Variants in SLC24A2 observed in about 807,000 individuals in gnomAD.
SLC24A2 encodes sodium/potassium/calcium exchanger 2.
Under a neutral mutation model 62.0 loss-of-function variants are expected in SLC24A2, and 36 were observed. The ratio of observed to expected loss-of-function variants is 0.58; its 90% CI spans 0.44 to 0.77. The LOEUF is 0.77. Among genes scored for constraint, SLC24A2 ranks in the 30% least tolerant of loss-of-function variants. The probability of loss-of-function intolerance (pLI) is 0.00; values close to 1 mark genes in which losing one functional copy is unlikely to be tolerated. For synonymous variants in SLC24A2, 358 were observed against 294.0 expected (o/e 1.22, Z -2.23); for missense variants, 846 against 817.9 (o/e 1.03, Z -0.42).
At chr9:19,673,813 T>TCCATTCTG (rs1414179503) in intron 2 of SLC24A2, among the ~76,000 whole-genome samples, 1 of 152,178 alleles carries the variant, frequency 6.6e-6, no homozygotes, top group Admixed American at 6.6e-5. Context: ...GGAATTCTTA[T>TCCATTCTG]CCATTCTGCC....
At chr9:19,865,965 C>A in the SLC24A2 span, among the ~76,000 whole-genome samples, 1 of 151,986 alleles carries the variant, frequency 6.6e-6, no homozygotes, top group East Asian at 1.9e-4. Context: ...AAGGGAATAA[C>A]GAGAATATGT....
chr9:20,068,560 C>T, the SLC24A2 span, among the ~76,000 whole-genome samples: 3 of 152,128 alleles, frequency 2.0e-5, no homozygotes, highest in Non-Finnish European at 2.9e-5. Flanking sequence ...TCCTGAACAA[C>T]TGGTAACATT....
At chr9:19,879,753 T>C in the SLC24A2 span, among the ~76,000 whole-genome samples, 1 of 152,164 alleles carries the variant, frequency 6.6e-6, no homozygotes, top group Non-Finnish European at 1.5e-5. Flanking sequence ...CAAATATGAA[T>C]TCAAAAGTCA....
At chr9:19,986,197 G>T in the SLC24A2 span, among the ~76,000 whole-genome samples, 1 of 151,968 alleles carries the variant, frequency 6.6e-6, no homozygotes, top group Non-Finnish European at 1.5e-5. Flanking sequence ...ACATCATTAA[G>T]GAAATACAAG....
intron 4 of SLC24A2, among the ~76,000 whole-genome samples, chr9:19,611,657 G>C (rs989022169): frequency 2.0e-5 from 3 of 152,068 alleles, no homozygotes; most frequent in African/African-American, 4.8e-5. Context: ...CTTTTCTGGG[G>C]AAAGATTCAG....
chr9:19,531,264 C>T (rs3780218), intron 8 of SLC24A2, among the ~76,000 whole-genome samples: 109,857 of 152,046 alleles, frequency 0.72, 40,578 homozygotes, highest in East Asian at 0.93. Flanking sequence ...ATTCCCCTTA[C>T]TTGGACAGCA....
At position 19,508,153 on chromosome 9, in the gene SLC24A2, GTTT is replaced by G. The variant is rs1453356367; in HGVS notation, c.*7997_*7999del. 1 of 152,214 alleles carries G rather than the reference GTTT, an allele frequency of 6.6e-6. No homozygotes were observed. Among genetic ancestry groups the G allele is most frequent in the African/African-American group, 2.4e-5 (1 of 41,452 alleles). 9.4% of individuals were successfully genotyped at this position (152,214 alleles called of 1,614,324 possible). On this transcript the variant is annotated 3_prime_UTR_variant, in exon 11 of 11. Coordinates refer to ENST00000341998, the MANE Select transcript of SLC24A2 (RefSeq NM_020344.4). ...GATGGTGGAAGCTGTTGCTTCCGGA[GTTT>G]TTTGACTTGAGCAGAAGAAATATCA...
chr9:19,645,274 C>A (rs1439958198), intron 2 of SLC24A2, among the ~76,000 whole-genome samples: 1 of 152,168 alleles, frequency 6.6e-6, no homozygotes, highest in African/African-American at 2.4e-5. Flanking sequence ...TCTGGAATTT[C>A]TGCCATTTTA....
At chr9:20,081,116 T>A in the SLC24A2 span, among the ~76,000 whole-genome samples, 1 of 152,192 alleles carries the variant, frequency 6.6e-6, no homozygotes, top group Non-Finnish European at 1.5e-5. Context: ...GACCCAGCCA[T>A]CCCATTACTG....
intron 2 of SLC24A2, among the ~76,000 whole-genome samples, chr9:19,701,099 G>A (rs1174491111): frequency 1.3e-5 from 2 of 152,180 alleles, no homozygotes; most frequent in Admixed American, 6.5e-5. Flanking sequence ...ATCTTTTCTT[G>A]TGGGAATGTT....
chr9:19,573,558 CA>C, intron 6 of SLC24A2, 89 bp from the exon 7 acceptor site: 2 of 872,950 alleles, frequency 2.3e-6, no homozygotes, highest in South Asian at 2.6e-5. Context: ...AGAGAGAAAG[CA>C]AATGGAATCA....
the SLC24A2 span, among the ~76,000 whole-genome samples, chr9:20,295,036 GTA>G: frequency 0.051 from 7,369 of 145,182 alleles, 307 homozygotes; most frequent in South Asian, 0.23. Flanking sequence ...GTGTATATAT[GTA>G]TATATATATA....
chr9:19,686,558 C>G (rs982584917), intron 2 of SLC24A2, among the ~76,000 whole-genome samples: 2 of 152,086 alleles, frequency 1.3e-5, no homozygotes, highest in African/African-American at 4.8e-5. Flanking sequence ...GTAATTTAAT[C>G]ATGGGGCGGT....
At chr9:19,904,937 AG>A in the SLC24A2 span, among the ~76,000 whole-genome samples, 9 of 152,218 alleles carry the variant, frequency 5.9e-5, no homozygotes, top group African/African-American at 2.2e-4. Flanking sequence ...CATTTAGTAA[AG>A]AATTAATCTT....
the SLC24A2 span, among the ~76,000 whole-genome samples, chr9:20,052,378 G>A: frequency 7.2e-5 from 11 of 152,214 alleles, no homozygotes; most frequent in Non-Finnish European, 1.0e-4. Context: ...GTGTGTCTCT[G>A]CACTGGCTGT....
intron 2 of SLC24A2, among the ~76,000 whole-genome samples, chr9:19,706,744 A>G (rs1820535738): frequency 4.6e-5 from 7 of 152,168 alleles, no homozygotes; most frequent in Admixed American, 4.6e-4. Context: ...CCTCTGGGAC[A>G]CATTCAAAGC....
At chr9:20,038,479 C>T in the SLC24A2 span, among the ~76,000 whole-genome samples, 94,152 of 152,016 alleles carry the variant, frequency 0.62, 29,781 homozygotes, top group East Asian at 0.95. Context: ...CCTGACTCAA[C>T]GCAGTGCTCT....
chr9:20,005,979 G>C, the SLC24A2 span, among the ~76,000 whole-genome samples: 1 of 151,344 alleles, frequency 6.6e-6, no homozygotes, highest in Admixed American at 6.6e-5. Context: ...CTCCTTTTAG[G>C]AAATTTGTAT....
the SLC24A2 span, among the ~76,000 whole-genome samples, chr9:20,045,403 C>T: frequency 1.3e-5 from 2 of 151,898 alleles, no homozygotes; most frequent in East Asian, 3.9e-4. Flanking sequence ...TTAAGTAGAA[C>T]ACAAAAAAGG....
Sources: allele counts gnomAD v4.1 joint callset (sites outside exome capture counted in the v4.1 genomes callset), GRCh38; gene constraint gnomAD v4.1.1; transcripts MANE v1.5; gene names NCBI Gene and HGNC (gene_info 2026-07-23, HGNC 2026-07-21).